The following STX3 variants were observed in gnomAD, a reference collection of about 807,000 sequenced individuals.
The protein encoded by STX3 is syntaxin 3.
A neutral mutation model predicts 40.2 loss-of-function variants in STX3; 19 were observed. The ratio of observed to expected loss-of-function variants is 0.47; its 90% CI spans 0.33 to 0.69. The LOEUF is 0.69. Ranked by LOEUF, STX3 falls within the 30% of genes least tolerant of loss-of-function variation. The pLI, the probability that STX3 is intolerant of heterozygous loss-of-function variation, is 0.02. For missense variants in STX3, 364 were observed against 366.7 expected (o/e 0.99, Z 0.06); for synonymous variants, 122 against 132.2 (o/e 0.92, Z 0.53).
In STX3 at chr11:59,795,458, G is replaced by T; in HGVS notation, c.762G>T (p.Val254=). ...CACGAGATGAAACGAAAAAAGCTGT[G>T]AAATACCAGAGTCAGGCCCGGAAGG... ...EKARDETKKA[V]KYQSQARKKL... Residue 254 remains valine, a synonymous_variant, in exon 9 of 11, where the codon GTG becomes GTT. Transcript: ENST00000337979. 1.2e-6 allele frequency: 2 copies of T among 1,612,974 alleles called. No individual in the cohort carries two copies. The highest frequency in any genetic ancestry group is 3.3e-4 in the Middle Eastern group (2 of 6,062).
chr11:59,803,132 A>T lies in STX3; in HGVS notation c.*2308A>T, dbSNP rs1339121271. 1 of 1,230,256 alleles carries T rather than the reference A, an allele frequency of 8.1e-7. No individual in the cohort carries two copies. The highest frequency in any genetic ancestry group is 1.6e-5 in the African/African-American group (1 of 64,374). 76.2% of individuals were successfully genotyped at this position (1,230,256 alleles called of 1,614,324 possible). On this transcript the variant is annotated 3_prime_UTR_variant, in exon 11 of 11. Coordinates refer to ENST00000337979, the MANE Select transcript of STX3 (RefSeq NM_004177.5). ...GCTCTCTTCCTTCACACCCTCTTCC[A>T]TGTCCACATGCACTTATCTCCCTGC...
intron 2 of STX3, chr11:59,781,845 T>C: frequency 1.0e-6 from 1 of 957,368 alleles, no homozygotes; most frequent in Non-Finnish European, 1.6e-6. Context: ...TCTGTCATTT[T>C]TTGGGGAAAG....
chr11:59,792,904 T>C (rs1865284484), intron 6 of STX3, among the ~76,000 whole-genome samples, 195 bp from the exon 7 acceptor site: 1 of 152,088 alleles, frequency 6.6e-6, no homozygotes, highest in Non-Finnish European at 1.5e-5. Flanking sequence ...ATAAGTGCTT[T>C]AGGAAGGTAA....
At chr11:59,792,995 C>A in intron 6 of STX3, 104 bp from the exon 7 acceptor site, 1 of 1,149,642 alleles carries the variant, frequency 8.7e-7, no homozygotes, top group Non-Finnish European at 1.3e-6. Flanking sequence ...GTTGTAAAGG[C>A]CACGGTCTTT....
At chr11:59,799,738 G>A (rs1865762079) in intron 10 of STX3, 1 of 985,176 alleles carries the variant, frequency 1.0e-6, no homozygotes, top group Admixed American at 6.2e-5. Flanking sequence ...GCTTATTACA[G>A]CATTGAGCAT....
chr11:59,776,264 C>G (rs1228857224), intron 2 of STX3, among the ~76,000 whole-genome samples: 1 of 152,284 alleles, frequency 6.6e-6, no homozygotes, highest in Non-Finnish European at 1.5e-5. Flanking sequence ...GTTAACTACT[C>G]TAAACCCCAG....
intron 2 of STX3, among the ~76,000 whole-genome samples, chr11:59,779,174 T>G (rs1190019299): frequency 1.3e-5 from 2 of 152,212 alleles, no homozygotes; most frequent in Non-Finnish European, 2.9e-5. Context: ...TAGTTTGGGC[T>G]GCTATGAGAA....
chr11:59,758,832 T>C (rs1862874548), intron 1 of STX3, among the ~76,000 whole-genome samples: 1 of 152,258 alleles, frequency 6.6e-6, no homozygotes, highest in South Asian at 2.1e-4. Flanking sequence ...AAACATTTGC[T>C]GAGTACTGAG....
At chr11:59,769,844 G>C (rs894501178) in intron 1 of STX3, among the ~76,000 whole-genome samples, 4 of 151,756 alleles carry the variant, frequency 2.6e-5, no homozygotes, top group Non-Finnish European at 1.5e-5. Context: ...GTGTGTGTGT[G>C]TGTGTGTATG....
intron 3 of STX3, 67 bp from the exon 4 acceptor site, chr11:59,788,806 T>C (rs1405547063): frequency 8.7e-6 from 12 of 1,382,596 alleles, no homozygotes; most frequent in Non-Finnish European, 1.2e-5. Flanking sequence ...TGATGATGAT[T>C]GCTGTAGTTC....
intron 1 of STX3, among the ~76,000 whole-genome samples, chr11:59,759,086 C>G (rs567691410): frequency 1.3e-5 from 2 of 152,298 alleles, no homozygotes; most frequent in African/African-American, 2.4e-5. Flanking sequence ...TCAGCTGATT[C>G]TTCCAGCCCA....
rs1215042833 is a variant in STX3 at position 59,790,414 on chromosome 11, T to C, written c.290-105T>C. On this transcript the variant is annotated intron_variant, in intron 4 of 10. Coordinates refer to ENST00000337979, the MANE Select transcript of STX3 (RefSeq NM_004177.5). ...TTTGAGGTGACACCTACCTGTTACA[T>C]CTCCGTGGGCTGGATGTGTGGGAAT... 5 of 866,110 alleles carry C rather than the reference T, an allele frequency of 5.8e-6. No homozygotes were observed. The Admixed American group carries it at 9.7e-5, about 17-fold the overall frequency. 53.7% of individuals were successfully genotyped at this position (866,110 alleles called of 1,614,324 possible).
At chr11:59,785,943 A>G (rs1177672628) in intron 2 of STX3, among the ~76,000 whole-genome samples, 2 of 152,282 alleles carry the variant, frequency 1.3e-5, no homozygotes, top group East Asian at 3.9e-4. Context: ...ATGGGCACCT[A>G]TGAAGCGGGG....
rs1865065550 is a variant in STX3, at chr11:59,790,510, C to T, written c.290-9C>T. 6.2e-7 allele frequency: 1 copy of T among 1,611,502 alleles called. No individual in the cohort carries two copies. Among genetic ancestry groups the T allele is most frequent in the Non-Finnish European group, 8.5e-7 (1 of 1,177,628 alleles). ...TAGGTTGCAAGTATAACCTTCCTCTCCTCTTTAGGCATGGAGAAGCATATT... is the reference window on the plus strand; with the variant it reads ...TAGGTTGCAAGTATAACCTTCCTCTTCTCTTTAGGCATGGAGAAGCATATT... On this transcript the variant is annotated splice_polypyrimidine_tract_variant and intron_variant, in intron 4 of 10. Transcript: ENST00000337979.
chr11:59,789,696 G>A (rs1864994900), intron 4 of STX3, among the ~76,000 whole-genome samples: 1 of 152,170 alleles, frequency 6.6e-6, no homozygotes, highest in Non-Finnish European at 1.5e-5. Flanking sequence ...ACCTGCCTGG[G>A]CCTCCCAAAT....
chr11:59,770,635 C>G (rs1046688576), intron 1 of STX3, among the ~76,000 whole-genome samples: 1 of 152,110 alleles, frequency 6.6e-6, no homozygotes, highest in Non-Finnish European at 1.5e-5. Context: ...ACTTTAAAAA[C>G]TGGTGGTGAA....
At chr11:59,761,819 T>G (rs925459561) in intron 1 of STX3, among the ~76,000 whole-genome samples, 8 of 143,160 alleles carry the variant, frequency 5.6e-5, no homozygotes, top group South Asian at 2.2e-4. Flanking sequence ...GGCATCAGGG[T>G]TTTTTTTTTT....
chr11:59,792,289 C>A, intron 6 of STX3, 74 bp downstream of exon 6: 1 of 1,292,624 alleles, frequency 7.7e-7, no homozygotes, highest in East Asian at 2.4e-5. Flanking sequence ...TTTTGAGGCC[C>A]TGGTGGAGCA....
intron 2 of STX3, among the ~76,000 whole-genome samples, chr11:59,777,670 G>C (rs1361035628): frequency 6.6e-6 from 1 of 152,162 alleles, no homozygotes; most frequent in Non-Finnish European, 1.5e-5. Context: ...GTCAGCTTGG[G>C]GTTCTAGGTC....
Sources: allele counts gnomAD v4.1 joint callset (sites outside exome capture counted in the v4.1 genomes callset), GRCh38; gene constraint gnomAD v4.1.1; transcripts MANE v1.5; gene names NCBI Gene and HGNC (gene_info 2026-07-23, HGNC 2026-07-21).